DMD: variants seen among roughly 807,000 people sequenced by gnomAD.
The protein encoded by DMD is dystrophin.
Under a neutral mutation model 330.1 loss-of-function variants are expected in DMD, and 63 were observed. The ratio of observed to expected loss-of-function variants is 0.19; its 90% CI spans 0.16 to 0.24. The LOEUF is 0.24. Ranked by LOEUF, DMD falls within the 10% of genes least tolerant of loss-of-function variation. The pLI is 1.00. For synonymous variants in DMD, 1,223 were observed against 959.8 expected (o/e 1.27, Z -5.07); for missense variants, 3,344 against 2,684.1 (o/e 1.25, Z -5.43).
intron 51 of DMD, among the ~76,000 whole-genome samples, chrX:31,770,276 A>C (rs1215891236): frequency 1.8e-5 from 2 of 112,245 alleles, no homozygotes; most frequent in Non-Finnish European, 1.9e-5. Flanking sequence ...CCTGTTTACA[A>C]TCCTTTCAGA....
At chrX:31,323,484 A>G in intron 62 of DMD, 114 bp downstream of exon 62, 2 of 637,447 alleles carry the variant, frequency 3.1e-6, no homozygotes, top group Non-Finnish European at 5.0e-6. Context: ...AGGAAAAAAA[A>G]GACACAGGTA....
intron 1 of DMD, among the ~76,000 whole-genome samples, chrX:33,322,981 C>A (rs2054037275): frequency 9.0e-6 from 1 of 111,047 alleles, no homozygotes; most frequent in African/African-American, 3.3e-5. Flanking sequence ...TCAACATTAT[C>A]CTTACCACAG....
intron 61 of DMD, among the ~76,000 whole-genome samples, chrX:31,329,003 C>T (rs760817393): frequency 8.9e-6 from 1 of 112,189 alleles, no homozygotes; most frequent in Non-Finnish European, 1.9e-5. Context: ...CTCTGTCTTC[C>T]TAGACCAATG....
chrX:32,106,688 G>A lies in DMD; in HGVS notation c.6438+110228C>T, dbSNP rs375699379. Among the ~76,000 whole-genome samples the A allele has an allele frequency of 5.4e-5, 6 of 111,491 alleles. No individual in the cohort carries two copies. In the East Asian group the frequency reaches 1.1e-3, roughly 21 times the overall value. On this transcript the variant is annotated intron_variant, in intron 44 of 78. Coordinates refer to ENST00000357033, the MANE Select transcript of DMD (RefSeq NM_004006.3). ...GAAGTACAATTTGTATCAGGATCTCGAATTATGTTTTGCTCCATCTAATCC... is the reference window on the plus strand; with the variant it reads ...GAAGTACAATTTGTATCAGGATCTCAAATTATGTTTTGCTCCATCTAATCC...
At chrX:32,799,012 A>T (rs373333576) in intron 7 of DMD, among the ~76,000 whole-genome samples, 2 of 111,282 alleles carry the variant, frequency 1.8e-5, no homozygotes, top group Non-Finnish European at 3.8e-5. Flanking sequence ...CAAACCCAAC[A>T]TAAGAGGCCT....
Position 31,966,353 on chromosome X carries a change from C to G in DMD, c.6614+1986G>C, listed in dbSNP as rs193133512. ...TATGAGTATATTGGTAGAACCAGTACTTATATTTTATTACATTTTTACATT... is the reference window on the plus strand; with the variant it reads ...TATGAGTATATTGGTAGAACCAGTAGTTATATTTTATTACATTTTTACATT... On this transcript the variant is annotated intron_variant, in intron 45 of 78. Transcript: ENST00000357033. 1.9e-3 allele frequency among the ~76,000 whole-genome samples: 213 copies of G among 110,799 alleles called. 5 individuals are homozygous for G. The East Asian group carries it at 0.045, about 23-fold the overall frequency.
intron 1 of DMD, among the ~76,000 whole-genome samples, chrX:33,052,211 A>C (rs749544660): frequency 8.9e-5 from 10 of 112,323 alleles, no homozygotes; most frequent in Non-Finnish European, 1.9e-4. Context: ...TTTCTAGAGC[A>C]AAATTTCCTA....
intron 16 of DMD, among the ~76,000 whole-genome samples, chrX:32,553,739 G>T (rs1168729729): frequency 1.8e-5 from 2 of 111,427 alleles, no homozygotes; most frequent in Non-Finnish European, 3.8e-5. Flanking sequence ...GATATGGTTT[G>T]GCTCTCTGTC....
intron 11 of DMD, chrX:32,641,408 G>GTATATATATA (rs72324944): frequency 8.4e-4 from 76 of 90,502 alleles, no homozygotes; most frequent in African/African-American, 3.0e-3. Flanking sequence ...TATTTTATAC[G>GTATATATATA]TATATATATA....
chrX:32,562,337 T>TA (rs2051116527), intron 16 of DMD, among the ~76,000 whole-genome samples: 1 of 112,858 alleles, frequency 8.9e-6, no homozygotes, highest in Non-Finnish European at 1.9e-5. Context: ...GCAGTCCTCC[T>TA]AGCTGATTAT....
intron 1 of DMD, among the ~76,000 whole-genome samples, chrX:33,063,704 C>T (rs772066809): frequency 1.8e-5 from 2 of 111,193 alleles, no homozygotes; most frequent in African/African-American, 6.5e-5. Flanking sequence ...CCCTACTACA[C>T]ATCAGAACCA....
chrX:32,108,266 T>TA (rs200172766), intron 44 of DMD, among the ~76,000 whole-genome samples: 2,939 of 111,086 alleles, frequency 0.026, 106 homozygotes, highest in African/African-American at 0.091. Flanking sequence ...TAAGATTGGT[T>TA]AAAAAAAATC....
At chrX:32,706,212 A>C (rs2064623677) in intron 7 of DMD, among the ~76,000 whole-genome samples, 1 of 69,485 alleles carries the variant, frequency 1.4e-5, no homozygotes. Context: ...AACATCACAC[A>C]CCGGGGCCTG....
chrX:31,344,091 T>G (rs1281499787), intron 61 of DMD, among the ~76,000 whole-genome samples: 2 of 107,412 alleles, frequency 1.9e-5, no homozygotes, highest in Non-Finnish European at 1.9e-5. Context: ...GCTCAAGTGA[T>G]CCTCCTGCCT....
chrX:32,062,652 T>A (rs1285237855), intron 44 of DMD, among the ~76,000 whole-genome samples: 1 of 111,152 alleles, frequency 9.0e-6, no homozygotes, highest in Non-Finnish European at 1.9e-5. Flanking sequence ...TCTTAAAAAG[T>A]ATAAGTAAAA....
At chrX:31,579,226 G>C (rs1222888967) in intron 55 of DMD, among the ~76,000 whole-genome samples, 1 of 112,425 alleles carries the variant, frequency 8.9e-6, no homozygotes, top group African/African-American at 3.2e-5. Flanking sequence ...ATAAATCTCA[G>C]CTTAAGCCAG....
intron 11 of DMD, among the ~76,000 whole-genome samples, chrX:32,615,563 C>T (rs2057497429): frequency 9.0e-6 from 1 of 111,564 alleles, no homozygotes; most frequent in Non-Finnish European, 1.9e-5. Context: ...TTTTTCAAAA[C>T]TATATTCTGA....
intron 9 of DMD, among the ~76,000 whole-genome samples, chrX:32,693,357 C>G (rs2063420796): frequency 8.9e-6 from 1 of 112,084 alleles, no homozygotes; most frequent in Non-Finnish European, 1.9e-5. Flanking sequence ...CATCAAAAAT[C>G]GAACTAATAC....
intron 44 of DMD, among the ~76,000 whole-genome samples, chrX:32,177,512 G>A (rs188595609): frequency 7.2e-5 from 8 of 111,643 alleles, no homozygotes; most frequent in East Asian, 2.8e-4. Context: ...CCACCTTCAC[G>A]GTAGTTTTGT....
Sources: gnomAD v4.1 joint callset for allele counts (sites outside exome capture counted in the v4.1 genomes callset) on GRCh38, gnomAD v4.1.1 for gene constraint, MANE v1.5 for transcripts, NCBI Gene and HGNC (gene_info 2026-07-23, HGNC 2026-07-21) for gene names.